The following PTPRN2 variants were observed in gnomAD, a reference collection of about 807,000 sequenced individuals.
PTPRN2 encodes receptor-type tyrosine-protein phosphatase N2.
PTPRN2 carries 74 observed loss-of-function variants against 118.8 expected under a neutral mutation model. The ratio of observed to expected loss-of-function variants is 0.62; its 90% CI spans 0.52 to 0.76. The LOEUF (loss-of-function observed/expected upper bound fraction) is 0.76, where lower values mean the gene tolerates loss of function less well. PTPRN2 is among the 30% of genes least tolerant of loss of function. The pLI is 0.00. For missense variants in PTPRN2, 1,481 were observed against 1,394.4 expected, an observed-to-expected ratio of 1.06 and a Z score of -0.99; for synonymous variants, 641 against 608.0, an observed-to-expected ratio of 1.05 and a Z score of -0.80.
At chr7:157,906,305 C>G (rs1424640742) in intron 11 of PTPRN2, among the ~76,000 whole-genome samples, 1 of 152,228 alleles carries the variant, frequency 6.6e-6, no homozygotes, top group African/African-American at 2.4e-5. Flanking sequence ...GCAGAGGCCT[C>G]CTGGGCCCAG....
intron 2 of PTPRN2, among the ~76,000 whole-genome samples, chr7:158,341,618 C>A (rs1806821568): frequency 2.3e-5 from 2 of 87,008 alleles, no homozygotes; most frequent in Non-Finnish European, 4.8e-5. Flanking sequence ...CACCCACACT[C>A]TCACCATAAG....
chr7:158,158,424 G>T (rs907067848), intron 6 of PTPRN2, among the ~76,000 whole-genome samples: 3 of 152,244 alleles, frequency 2.0e-5, no homozygotes, highest in Non-Finnish European at 4.4e-5. Flanking sequence ...TCAGGGTCAC[G>T]GAAGGCTCGA....
chr7:157,693,929 C>T (rs972804780), intron 12 of PTPRN2, among the ~76,000 whole-genome samples: 4 of 152,230 alleles, frequency 2.6e-5, no homozygotes, highest in African/African-American at 4.8e-5. Context: ...GCAGACCGCA[C>T]GCGGCCACCC....
At chr7:157,633,732 C>T (rs983648823) in intron 14 of PTPRN2, among the ~76,000 whole-genome samples, 1 of 152,014 alleles carries the variant, frequency 6.6e-6, no homozygotes, top group African/African-American at 2.4e-5. Flanking sequence ...GGCAGGAGGG[C>T]GTGGCCACTC....
intron 1 of PTPRN2, among the ~76,000 whole-genome samples, chr7:158,500,193 A>G (rs1822258433): frequency 6.6e-6 from 1 of 152,158 alleles, no homozygotes; most frequent in South Asian, 2.1e-4. Flanking sequence ...GACAAATTAG[A>G]TCCAATTGTT....
At chr7:158,562,148 TCACAGCTCTGAAGGCTGTG>T in intron 1 of PTPRN2, among the ~76,000 whole-genome samples, 1 of 152,276 alleles carries the variant, frequency 6.6e-6, no homozygotes, top group African/African-American at 2.4e-5. Context: ...CCTTGATTTC[TCACAGCTCTGAAGGCTGTG>T]AAGTCGGAGA....
intron 4 of PTPRN2, among the ~76,000 whole-genome samples, chr7:158,194,799 A>G (rs1041090539): frequency 2.0e-5 from 3 of 152,262 alleles, no homozygotes; most frequent in African/African-American, 4.8e-5. Context: ...CAGATAGTGT[A>G]TAACTGTCAC....
At chr7:158,498,588 G>A (rs769662919) in intron 1 of PTPRN2, among the ~76,000 whole-genome samples, 5 of 131,346 alleles carry the variant, frequency 3.8e-5, no homozygotes, top group Admixed American at 2.3e-4. Flanking sequence ...TTTTGTCCTC[G>A]ATTTCCTGAA....
intron 3 of PTPRN2, among the ~76,000 whole-genome samples, chr7:158,256,282 C>T (rs370901205): frequency 2.6e-5 from 4 of 152,100 alleles, no homozygotes; most frequent in African/African-American, 4.8e-5. Flanking sequence ...AGTCTGATGC[C>T]GACTGGCTGA....
At chr7:158,421,501 A>C (rs1043265276) in intron 2 of PTPRN2, among the ~76,000 whole-genome samples, 70 of 152,362 alleles carry the variant, frequency 4.6e-4, no homozygotes, top group African/African-American at 1.6e-3. Flanking sequence ...ATATGTCAAG[A>C]AGCAGCTTTC....
chr7:158,191,805 C>A (rs1825787556), intron 5 of PTPRN2, among the ~76,000 whole-genome samples: 1 of 152,112 alleles, frequency 6.6e-6, no homozygotes, highest in Non-Finnish European at 1.5e-5. Flanking sequence ...GGTGCCCAGA[C>A]CCTCATGCCC....
intron 11 of PTPRN2, among the ~76,000 whole-genome samples, chr7:158,023,839 C>A (rs563183472): frequency 6.6e-6 from 1 of 152,204 alleles, no homozygotes; most frequent in East Asian, 1.9e-4. Context: ...TGCAGGCACA[C>A]ACACGTGCAG....
intron 3 of PTPRN2, among the ~76,000 whole-genome samples, chr7:158,236,848 C>T (rs1795584462): frequency 1.7e-5 from 1 of 60,436 alleles, no homozygotes; most frequent in Non-Finnish European, 3.0e-5. Context: ...AAGAAGTAGA[C>T]ATAGGAGACT....
intron 1 of PTPRN2, among the ~76,000 whole-genome samples, chr7:158,492,581 A>T (rs1821538022): frequency 6.6e-6 from 1 of 152,204 alleles, no homozygotes; most frequent in African/African-American, 2.4e-5. Flanking sequence ...ACAGTGGAAA[A>T]CCTGCAGCAC....
chr7:158,584,110 A>G (rs1354570323), intron 1 of PTPRN2, among the ~76,000 whole-genome samples: 26 of 152,208 alleles, frequency 1.7e-4, no homozygotes, highest in Admixed American at 1.7e-3. Context: ...CTGTCTTCAC[A>G]GCCAGGTGCA....
At chr7:158,207,652 G>A (rs898717870) in intron 3 of PTPRN2, among the ~76,000 whole-genome samples, 1 of 152,104 alleles carries the variant, frequency 6.6e-6, no homozygotes, top group African/African-American at 2.4e-5. Context: ...TCAAATACCT[G>A]GAAAGCCTTC....
At chr7:158,412,610 C>G (rs1586611271) in intron 2 of PTPRN2, among the ~76,000 whole-genome samples, 1 of 106,480 alleles carries the variant, frequency 9.4e-6, no homozygotes, top group African/African-American at 4.0e-5. Context: ...CCATCCAGTG[C>G]CCTCCTCAGC....
At chr7:157,817,050 G>A (rs1806451975) in intron 12 of PTPRN2, among the ~76,000 whole-genome samples, 1 of 152,156 alleles carries the variant, frequency 6.6e-6, no homozygotes, top group South Asian at 2.1e-4. Flanking sequence ...GGGCCCTCTC[G>A]CTGCTCAAGG....
intron 12 of PTPRN2, among the ~76,000 whole-genome samples, chr7:157,842,446 G>C (rs867301437): frequency 3.1e-5 from 4 of 128,366 alleles, no homozygotes; most frequent in Admixed American, 1.0e-4. Context: ...ACGGTGTCTC[G>C]CTCTGTCACC....
Sources: allele counts gnomAD v4.1 joint callset (sites outside exome capture counted in the v4.1 genomes callset), GRCh38; gene constraint gnomAD v4.1.1; transcripts MANE v1.5; gene names NCBI Gene and HGNC (gene_info 2026-07-23, HGNC 2026-07-21).